The following SHROOM3 variants were observed in gnomAD, a reference collection of about 807,000 sequenced individuals.
SHROOM3 encodes protein Shroom3.
In SHROOM3, 47 loss-of-function variants were observed where a neutral mutation model predicts 138.6. The ratio of observed to expected loss-of-function variants is 0.34; its 90% CI spans 0.27 to 0.43. The LOEUF is 0.43. SHROOM3 is among the 20% of genes least tolerant of loss of function. SHROOM3 has a pLI of 1.00. For missense variants in SHROOM3, 2,491 were observed against 2,596.5 expected, an observed-to-expected ratio of 0.96 and a Z score of 0.88; for synonymous variants, 1,062 against 1,063.3, an observed-to-expected ratio of 1.00 and a Z score of 0.02.
intron 9 of SHROOM3, among the ~76,000 whole-genome samples, chr4:76,761,891 G>A (rs1721997883): frequency 6.6e-6 from 1 of 152,110 alleles, no homozygotes; most frequent in African/African-American, 2.4e-5. Context: ...CCTAGCACGT[G>A]CTCAATAAAC....
At chr4:76,714,001 T>C (rs1164590848) in intron 3 of SHROOM3, among the ~76,000 whole-genome samples, 1 of 152,224 alleles carries the variant, frequency 6.6e-6, no homozygotes, top group African/African-American at 2.4e-5. Context: ...TCCTACATCC[T>C]GTTTGTTTTG....
intron 1 of SHROOM3, among the ~76,000 whole-genome samples, chr4:76,504,197 T>C (rs1056819826): frequency 2.6e-5 from 4 of 152,156 alleles, no homozygotes; most frequent in Non-Finnish European, 4.4e-5. Context: ...TTACACTTGT[T>C]GCCCAGGCTG....
Position 76,781,454 on chromosome 4 carries a change from T to G in SHROOM3, c.*2277T>G, listed in dbSNP as rs1214108232. On this transcript the variant is annotated 3_prime_UTR_variant, in exon 11 of 11. Coordinates refer to ENST00000296043, the MANE Select transcript of SHROOM3 (RefSeq NM_020859.4). ...CTTTTCTAATTTATAGACATAAAAG[T>G]AATTGACTCCCACAGCACAGTAACA... is the stretch of plus-strand genomic sequence containing the variant. 1 of 152,188 alleles carries G rather than the reference T, an allele frequency of 6.6e-6. No individual in the cohort carries two copies. Among genetic ancestry groups the G allele is most frequent in the Non-Finnish European group, 1.5e-5 (1 of 68,040 alleles). 9.4% of individuals were successfully genotyped at this position (152,188 alleles called of 1,614,324 possible). A position where few individuals can be genotyped will look rare whatever the true frequency, so the allele number is the denominator to read the frequency against.
At chr4:76,722,117 G>C (rs1720571189) in intron 3 of SHROOM3, among the ~76,000 whole-genome samples, 1 of 152,084 alleles carries the variant, frequency 6.6e-6, no homozygotes, top group African/African-American at 2.4e-5. Context: ...TTGGGTGACA[G>C]AGTGAGACCC....
At chr4:76,550,615 A>G (rs768681223) in intron 1 of SHROOM3, among the ~76,000 whole-genome samples, 1 of 152,190 alleles carries the variant, frequency 6.6e-6, no homozygotes, top group Non-Finnish European at 1.5e-5. Flanking sequence ...AGACAGCACA[A>G]ATCCCTGAGA....
At chr4:76,570,281 G>T (rs1733809533) in intron 2 of SHROOM3, among the ~76,000 whole-genome samples, 1 of 152,042 alleles carries the variant, frequency 6.6e-6, no homozygotes, top group African/African-American at 2.4e-5. Flanking sequence ...CACTAAGCAG[G>T]AATGGCCTCC....
rs117851194 is a variant in SHROOM3 at position 76,543,190 on chromosome 4, G to A, written c.169-12419G>A. Reference sequence around the variant, plus strand: ...GTACCTTTCCATGGGATAGTGCTATGATAGAGTTTATGGAAAAGCATAGAA... The same window carrying A: ...GTACCTTTCCATGGGATAGTGCTATAATAGAGTTTATGGAAAAGCATAGAA... On this transcript the variant is annotated intron_variant, in intron 1 of 10. Transcript: ENST00000296043. Among the ~76,000 whole-genome samples, 294 of 152,300 alleles carry A rather than the reference G, an allele frequency of 1.9e-3. 8 individuals are homozygous for A. The East Asian group carries it at 0.05, about 26-fold the overall frequency.
intron 9 of SHROOM3, 31 bp downstream of exon 9, chr4:76,759,726 C>T: frequency 6.2e-7 from 1 of 1,604,972 alleles, no homozygotes; most frequent in Non-Finnish European, 8.5e-7. Flanking sequence ...CCTTGTTCAG[C>T]TTTCCTCAGA....
intron 2 of SHROOM3, among the ~76,000 whole-genome samples, chr4:76,651,421 T>TAC (rs2110088593): frequency 1.0e-5 from 1 of 97,134 alleles, no homozygotes; most frequent in South Asian, 3.1e-4. Context: ...TATATATATA[T>TAC]ATATATATAT....
At chr4:76,474,207 C>T (rs1179926490) in intron 1 of SHROOM3, among the ~76,000 whole-genome samples, 1 of 152,130 alleles carries the variant, frequency 6.6e-6, no homozygotes, top group Non-Finnish European at 1.5e-5. Flanking sequence ...TGTATAATTC[C>T]ATTTATAAGA....
intron 2 of SHROOM3, among the ~76,000 whole-genome samples, chr4:76,577,455 C>A (rs1312298307): frequency 6.6e-6 from 1 of 152,160 alleles, no homozygotes; most frequent in Non-Finnish European, 1.5e-5. Context: ...TGGTTCCAGC[C>A]TCCCTAGAGG....
intron 3 of SHROOM3, among the ~76,000 whole-genome samples, chr4:76,724,177 G>C (rs1178650415): frequency 6.6e-6 from 1 of 152,120 alleles, no homozygotes; most frequent in Non-Finnish European, 1.5e-5. Context: ...CTTGTTTGTG[G>C]TTAGGAATGC....
intron 2 of SHROOM3, among the ~76,000 whole-genome samples, chr4:76,599,682 A>C (rs1380546611): frequency 6.6e-6 from 1 of 152,152 alleles, no homozygotes; most frequent in Non-Finnish European, 1.5e-5. Flanking sequence ...ACCATCTGTC[A>C]CTTTGGGCAG....
intron 2 of SHROOM3, among the ~76,000 whole-genome samples, chr4:76,661,632 A>G (rs1052501331): frequency 6.6e-6 from 1 of 152,100 alleles, no homozygotes; most frequent in Non-Finnish European, 1.5e-5. Context: ...ATTTCACCAT[A>G]GATTAGTTTT....
At chr4:76,708,686 A>C (rs1720137174) in intron 2 of SHROOM3, among the ~76,000 whole-genome samples, 1 of 152,172 alleles carries the variant, frequency 6.6e-6, no homozygotes, top group Non-Finnish European at 1.5e-5. Flanking sequence ...TATATAGATG[A>C]CAGAACTGAG....
intron 4 of SHROOM3, among the ~76,000 whole-genome samples, chr4:76,736,361 T>C (rs1317224726): frequency 1.3e-5 from 2 of 152,324 alleles, no homozygotes; most frequent in East Asian, 3.9e-4. Context: ...CGAAGTAGGA[T>C]GCGCCATTCA....
chr4:76,646,870 G>A (rs1018585206), intron 2 of SHROOM3, among the ~76,000 whole-genome samples: 45 of 152,018 alleles, frequency 3.0e-4, no homozygotes, highest in Admixed American at 2.2e-3. Flanking sequence ...GCAATTTCTC[G>A]AAAAACTGAA....
intron 2 of SHROOM3, among the ~76,000 whole-genome samples, chr4:76,700,632 C>T (rs748077862): frequency 7.2e-5 from 11 of 152,208 alleles, no homozygotes; most frequent in Middle Eastern, 3.4e-3. Context: ...TGTTTTGCCA[C>T]GAGTCCAGTG....
chr4:76,764,233 G>A (rs150652455), intron 9 of SHROOM3, among the ~76,000 whole-genome samples: 2 of 152,180 alleles, frequency 1.3e-5, no homozygotes, highest in East Asian at 3.9e-4. Flanking sequence ...TTTGATATAC[G>A]TAAAACTAAA....
Sources: gnomAD v4.1 joint callset for allele counts (sites outside exome capture counted in the v4.1 genomes callset) on GRCh38, gnomAD v4.1.1 for gene constraint, MANE v1.5 for transcripts, NCBI Gene and HGNC (gene_info 2026-07-23, HGNC 2026-07-21) for gene names.